Variants in PPFIA2 observed in about 807,000 individuals in gnomAD.
The protein encoded by PPFIA2 is PPFI scaffold protein A2.
In PPFIA2, 46 loss-of-function variants were observed where a neutral mutation model predicts 175.5. That is an observed-to-expected ratio of 0.26 (90% CI 0.21 to 0.34). The LOEUF (loss-of-function observed/expected upper bound fraction) is 0.34, where lower values mean the gene tolerates loss of function less well. Among genes scored for constraint, PPFIA2 ranks in the 10% least tolerant of loss-of-function variants. The pLI is 1.00. For missense variants in PPFIA2, 1,179 were observed against 1,506.1 expected, an observed-to-expected ratio of 0.78 and a Z score of 3.60; for synonymous variants, 568 against 511.4, an observed-to-expected ratio of 1.11 and a Z score of -1.49.
chr12:81,733,696 C>T (rs2081219595), intron 3 of PPFIA2, among the ~76,000 whole-genome samples: 1 of 151,656 alleles, frequency 6.6e-6, no homozygotes, highest in African/African-American at 2.4e-5. Context: ...TCCTATTCTA[C>T]TACACTGAGT....
chr12:81,671,512 G>A (rs979647902), intron 4 of PPFIA2, among the ~76,000 whole-genome samples: 1 of 151,738 alleles, frequency 6.6e-6, no homozygotes, highest in Non-Finnish European at 1.5e-5. Context: ...TCTTTTCATA[G>A]GTCTCTTTGC....
intron 3 of PPFIA2, among the ~76,000 whole-genome samples, chr12:81,741,450 A>T (rs1321011144): frequency 6.6e-6 from 1 of 152,136 alleles, no homozygotes; most frequent in East Asian, 1.9e-4. Flanking sequence ...TATTTTTTTT[A>T]AACTCCAGCT....
chr12:81,422,230 A>C (rs1318859354), intron 7 of PPFIA2, among the ~76,000 whole-genome samples: 1 of 151,622 alleles, frequency 6.6e-6, no homozygotes, highest in Non-Finnish European at 1.5e-5. Flanking sequence ...AAACTAAAGT[A>C]AATGCCATCC....
At chr12:81,539,464 G>C (rs1443669070) in intron 4 of PPFIA2, among the ~76,000 whole-genome samples, 1 of 151,902 alleles carries the variant, frequency 6.6e-6, no homozygotes, top group Non-Finnish European at 1.5e-5. Context: ...AGCGATGTAG[G>C]AGTAAAACTT....
At chr12:81,451,184 G>T (rs1296519212) in intron 5 of PPFIA2, among the ~76,000 whole-genome samples, 1 of 151,722 alleles carries the variant, frequency 6.6e-6, no homozygotes, top group Non-Finnish European at 1.5e-5. Flanking sequence ...TATATATAAT[G>T]TACATTAATA....
At chr12:81,412,044 T>C (rs2044061150) in intron 7 of PPFIA2, among the ~76,000 whole-genome samples, 1 of 151,948 alleles carries the variant, frequency 6.6e-6, no homozygotes, top group Non-Finnish European at 1.5e-5. Context: ...AGGGAGTTCT[T>C]TCAATGATGT....
chr12:81,417,447 G>T (rs987932296), intron 7 of PPFIA2: 1 of 151,304 alleles, frequency 6.6e-6, no homozygotes, highest in African/African-American at 2.4e-5. Flanking sequence ...GCAAAGAAGA[G>T]AGTTTTAGGG....
In PPFIA2 at chr12:81,497,664, T is replaced by A. The variant is rs553309195; in HGVS notation, c.304-39798A>T. ...AAGCGATTCTCCTGTCTCAGCCTCC[T>A]GAGTAGCTGGCATTACAGGCACACG... On this transcript the variant is annotated intron_variant, in intron 4 of 32. Coordinates refer to ENST00000549396, the MANE Select transcript of PPFIA2 (RefSeq NM_003625.5). Among the ~76,000 whole-genome samples, 3 of 150,790 alleles carry A rather than the reference T, an allele frequency of 2.0e-5. No individual in the cohort carries two copies. In the East Asian group the frequency reaches 6.0e-4, roughly 30 times the overall value.
At chr12:81,479,571 C>T (rs1445691567) in intron 4 of PPFIA2, among the ~76,000 whole-genome samples, 2 of 151,690 alleles carry the variant, frequency 1.3e-5, no homozygotes, top group African/African-American at 4.8e-5. Flanking sequence ...ACTGGTTTTT[C>T]CTTTCCATAT....
chr12:81,735,900 T>C (rs1216915135), intron 3 of PPFIA2, among the ~76,000 whole-genome samples: 3 of 151,878 alleles, frequency 2.0e-5, no homozygotes, highest in Non-Finnish European at 4.4e-5. Context: ...ATCTACGGGG[T>C]TATTCTTGTA....
At chr12:81,357,261 T>C (rs2060993753) in intron 16 of PPFIA2, among the ~76,000 whole-genome samples, 1 of 152,206 alleles carries the variant, frequency 6.6e-6, no homozygotes, top group Non-Finnish European at 1.5e-5. Flanking sequence ...TATTTATTCA[T>C]GTATTCAACA....
intron 21 of PPFIA2, among the ~76,000 whole-genome samples, chr12:81,332,886 T>A (rs2056409478): frequency 6.6e-6 from 1 of 152,222 alleles, no homozygotes; most frequent in East Asian, 1.9e-4. Context: ...TCCTCACATA[T>A]CTTCTAGAAT....
intron 27 of PPFIA2, among the ~76,000 whole-genome samples, chr12:81,280,145 C>T (rs924418156): frequency 7.9e-5 from 12 of 152,118 alleles, no homozygotes; most frequent in African/African-American, 2.9e-4. Flanking sequence ...TATGGTAGCA[C>T]TTTTGTTGTC....
At chr12:81,528,879 C>T (rs1378978420) in intron 4 of PPFIA2, among the ~76,000 whole-genome samples, 1 of 151,734 alleles carries the variant, frequency 6.6e-6, no homozygotes, top group Non-Finnish European at 1.5e-5. Context: ...ATTGAGCACT[C>T]TACAATTATA....
intron 4 of PPFIA2, among the ~76,000 whole-genome samples, chr12:81,605,907 G>T (rs2153461241): frequency 6.6e-6 from 1 of 151,900 alleles, no homozygotes; most frequent in South Asian, 2.1e-4. Flanking sequence ...TTACATAAGT[G>T]TATTGCACCC....
chr12:81,276,738 A>AT (rs1352878279), intron 28 of PPFIA2, among the ~76,000 whole-genome samples: 5 of 152,234 alleles, frequency 3.3e-5, no homozygotes, highest in Admixed American at 1.3e-4. Flanking sequence ...CAAATAAAAC[A>AT]TTTTTCTGCA....
intron 24 of PPFIA2, among the ~76,000 whole-genome samples, chr12:81,287,662 G>C (rs1484216869): frequency 6.6e-6 from 1 of 151,834 alleles, no homozygotes; most frequent in Non-Finnish European, 1.5e-5. Context: ...TATGTAGTAA[G>C]TCAATTATTC....
intron 4 of PPFIA2, among the ~76,000 whole-genome samples, chr12:81,664,020 C>G (rs182335179): frequency 1.4e-4 from 22 of 152,270 alleles, no homozygotes; most frequent in Non-Finnish European, 2.2e-4. Context: ...CTTCCTTACA[C>G]CTTATACAAA....
chr12:81,282,600 C>T (rs988754562), intron 26 of PPFIA2: 4 of 153,812 alleles, frequency 2.6e-5, no homozygotes, highest in African/African-American at 7.2e-5. Flanking sequence ...ACTTGCTCCT[C>T]CAACCTCTCT....
Sources: gnomAD v4.1 joint callset for allele counts (sites outside exome capture counted in the v4.1 genomes callset) on GRCh38, gnomAD v4.1.1 for gene constraint, MANE v1.5 for transcripts, NCBI Gene and HGNC (gene_info 2026-07-23, HGNC 2026-07-21) for gene names.